ADAMTS3: variants seen among roughly 807,000 people sequenced by gnomAD.
The protein encoded by ADAMTS3 is ADAM metallopeptidase with thrombospondin type 1 motif 3, also known as A disintegrin and metalloproteinase with thrombospondin motifs 3.
In ADAMTS3, 73 loss-of-function variants were observed where a neutral mutation model predicts 129.0. The observed-to-expected ratio is 0.57, with a 90% CI of 0.47 to 0.69. ADAMTS3 has a LOEUF of 0.69. Ranked by LOEUF, ADAMTS3 falls within the 30% of genes least tolerant of loss-of-function variation. ADAMTS3 has a pLI of 0.00. For synonymous variants in ADAMTS3, 477 were observed against 510.8 expected, an observed-to-expected ratio of 0.93 and a Z score of 0.89; for missense variants, 1,457 against 1,514.5, an observed-to-expected ratio of 0.96 and a Z score of 0.63.
At chr4:72,530,701 T>C (rs1269321167) in intron 3 of ADAMTS3, among the ~76,000 whole-genome samples, 10 of 93,602 alleles carry the variant, frequency 1.1e-4, no homozygotes, top group African/African-American at 3.6e-4. Flanking sequence ...TTGTATCATA[T>C]ATTATATATT....
chr4:72,407,541 T>A (rs556319881), intron 4 of ADAMTS3, among the ~76,000 whole-genome samples: 1 of 152,130 alleles, frequency 6.6e-6, no homozygotes, highest in East Asian at 1.9e-4. Flanking sequence ...TATTTTAGTA[T>A]CCCTGAGACT....
rs1719692668 is a variant in ADAMTS3 at position 72,489,800 on chromosome 4, T to A, written c.504+58678A>T. On this transcript the variant is annotated intron_variant, in intron 3 of 21. Transcript: ENST00000286657. The stretch of plus-strand genomic sequence containing the variant: ...GGAAAAAATATAGTATATATAGGGT[T>A]CATTACTTTCTAAGGTTTCAGACAT... Among the ~76,000 whole-genome samples the A allele has an allele frequency of 3.9e-5, 6 of 151,912 alleles. No individual in the cohort carries two copies. The South Asian group carries it at 8.3e-4, about 21-fold the overall frequency.
At chr4:72,287,167 A>G (rs181254832) in intron 21 of ADAMTS3, among the ~76,000 whole-genome samples, 85 of 152,180 alleles carry the variant, frequency 5.6e-4, no homozygotes, top group African/African-American at 1.8e-3. Flanking sequence ...ATGTGGACAG[A>G]AAAACAAGGC....
chr4:72,517,251 A>C (rs1578753318), intron 3 of ADAMTS3, among the ~76,000 whole-genome samples: 1 of 152,224 alleles, frequency 6.6e-6, no homozygotes, highest in African/African-American at 2.4e-5. Context: ...TATTTTATTG[A>C]GGAGATTTGC....
chr4:72,358,556 ACCTT>A, intron 4 of ADAMTS3, among the ~76,000 whole-genome samples: 1 of 151,980 alleles, frequency 6.6e-6, no homozygotes, highest in Non-Finnish European at 1.5e-5. Context: ...GATCTGAATT[ACCTT>A]GGACGATAGA....
At chr4:72,547,948 C>T (rs866159108) in intron 3 of ADAMTS3, among the ~76,000 whole-genome samples, 4 of 152,208 alleles carry the variant, frequency 2.6e-5, no homozygotes, top group Admixed American at 6.5e-5. Flanking sequence ...TTGAAGCCAC[C>T]GCACAGAAAG....
chr4:72,348,609 A>G (rs937919319), intron 4 of ADAMTS3, among the ~76,000 whole-genome samples: 1 of 152,084 alleles, frequency 6.6e-6, no homozygotes, highest in Admixed American at 6.6e-5. Context: ...ACAATTGACC[A>G]TAAGATAGAA....
At chr4:72,439,866 G>A (rs1278979001) in intron 3 of ADAMTS3, among the ~76,000 whole-genome samples, 1 of 151,268 alleles carries the variant, frequency 6.6e-6, no homozygotes, top group Non-Finnish European at 1.5e-5. Context: ...ATTTCCAAAG[G>A]CAATAATTTT....
At chr4:72,479,305 T>C (rs1385033899) in intron 3 of ADAMTS3, among the ~76,000 whole-genome samples, 2 of 152,136 alleles carry the variant, frequency 1.3e-5, no homozygotes, top group African/African-American at 4.8e-5. Flanking sequence ...ACTACAAGGC[T>C]ACAGTCACCA....
At chr4:72,379,707 T>C (rs1022628635) in intron 4 of ADAMTS3, among the ~76,000 whole-genome samples, 1 of 152,164 alleles carries the variant, frequency 6.6e-6, no homozygotes, top group African/African-American at 2.4e-5. Context: ...TTCTGGCAAA[T>C]CTGTAGTATC....
At chr4:72,431,633 C>T (rs895426992) in intron 3 of ADAMTS3, among the ~76,000 whole-genome samples, 2 of 152,010 alleles carry the variant, frequency 1.3e-5, no homozygotes, top group Non-Finnish European at 2.9e-5. Flanking sequence ...TGGGTCTCAC[C>T]CCCAAGGTAC....
chr4:72,298,156 TG>T, intron 18 of ADAMTS3, 120 bp downstream of exon 18: 1 of 723,672 alleles, frequency 1.4e-6, no homozygotes, highest in Non-Finnish European at 2.2e-6. Context: ...ATTGATGTTT[TG>T]ATGGTTATGT....
At chr4:72,508,412 T>G (rs1280401999) in intron 3 of ADAMTS3, among the ~76,000 whole-genome samples, 3 of 152,122 alleles carry the variant, frequency 2.0e-5, no homozygotes, top group Non-Finnish European at 4.4e-5. Context: ...TTCAAGGTAA[T>G]TGGAGAAAAC....
At chr4:72,292,036 G>A (rs926848735) in intron 19 of ADAMTS3, among the ~76,000 whole-genome samples, 7 of 152,150 alleles carry the variant, frequency 4.6e-5, no homozygotes, top group African/African-American at 1.7e-4. Flanking sequence ...AGGCATGAAG[G>A]CAGTTTTCAA....
chr4:72,567,240 G>C (rs1722039873), intron 2 of ADAMTS3, 134 bp downstream of exon 2: 3 of 882,776 alleles, frequency 3.4e-6, no homozygotes, highest in Admixed American at 4.9e-5. Context: ...GAGAAGAACA[G>C]AAATGTTTCC....
chr4:72,452,145 C>T (rs1328029834), intron 3 of ADAMTS3, among the ~76,000 whole-genome samples: 1 of 151,644 alleles, frequency 6.6e-6, no homozygotes, highest in Non-Finnish European at 1.5e-5. Context: ...TTTCCCTTTA[C>T]AGGAAGTCAC....
At position 72,393,855 on chromosome 4, in the gene ADAMTS3, C is replaced by G. The variant is rs1029636579; in HGVS notation, c.661+20960G>C. Among the ~76,000 whole-genome samples, 5 of 152,180 alleles carry G rather than the reference C, an allele frequency of 3.3e-5. No individual in the cohort carries two copies. In the East Asian group the frequency reaches 9.6e-4, roughly 29 times the overall value. On this transcript the variant is annotated intron_variant, in intron 4 of 21. Transcript: ENST00000286657. ...AGCATCTATAACTAGATTAAATTAT[C>G]AGCACAAACCATGTATTGAATTTCT...
At chr4:72,451,413 G>A (rs940930019) in intron 3 of ADAMTS3, among the ~76,000 whole-genome samples, 3 of 151,774 alleles carry the variant, frequency 2.0e-5, no homozygotes, top group African/African-American at 2.4e-5. Flanking sequence ...AGCAAACCAT[G>A]AGTATAATAG....
chr4:72,313,902 G>T, intron 11 of ADAMTS3, 80 bp from the exon 12 acceptor site: 1 of 1,519,840 alleles, frequency 6.6e-7, no homozygotes, highest in Non-Finnish European at 9.1e-7. Context: ...CCATCTAGTT[G>T]AAGGGCTTTC....
Sources: allele counts gnomAD v4.1 joint callset (sites outside exome capture counted in the v4.1 genomes callset), GRCh38; gene constraint gnomAD v4.1.1; transcripts MANE v1.5; gene names NCBI Gene and HGNC (gene_info 2026-07-23, HGNC 2026-07-21).